Variants in FGF14 observed in about 807,000 individuals in gnomAD.
The protein encoded by FGF14 is fibroblast growth factor 14, also known as fibroblast growth factor homologous factor 4.
In FGF14, 5 loss-of-function variants were observed where a neutral mutation model predicts 25.5. That is an observed-to-expected ratio of 0.20 (90% confidence interval 0.10 to 0.41). The LOEUF is 0.41. Ranked by LOEUF, FGF14 falls within the 10% of genes least tolerant of loss-of-function variation. The pLI is 1.00. For missense variants in FGF14, 222 were observed against 320.1 expected, an observed-to-expected ratio of 0.69 and a Z score of 2.34; for synonymous variants, 138 against 118.3, an observed-to-expected ratio of 1.17 and a Z score of -1.08.
chr13:102,266,210 T>G (rs139391101), intron 1 of FGF14, among the ~76,000 whole-genome samples: 3 of 152,170 alleles, frequency 2.0e-5, no homozygotes, highest in Admixed American at 6.6e-5. Context: ...CCCAGAACAG[T>G]AGAAGAGGCT....
intron 3 of FGF14, among the ~76,000 whole-genome samples, chr13:101,865,619 A>G (rs2044661534): frequency 6.6e-6 from 1 of 152,152 alleles, no homozygotes; most frequent in Non-Finnish European, 1.5e-5. Context: ...AGTACCTTTT[A>G]TCTGTCTCCA....
At chr13:101,947,193 C>T (rs1253048478) in intron 1 of FGF14, among the ~76,000 whole-genome samples, 2 of 152,056 alleles carry the variant, frequency 1.3e-5, no homozygotes, top group Admixed American at 1.3e-4. Flanking sequence ...CAGATGTTGG[C>T]GAGGCTGCAG....
At chr13:102,214,098 T>C (rs2050268940) in intron 1 of FGF14, among the ~76,000 whole-genome samples, 1 of 152,236 alleles carries the variant, frequency 6.6e-6, no homozygotes, top group Admixed American at 6.5e-5. Context: ...TATTTGGCCT[T>C]AGCCTAACCT....
upstream of FGF14, among the ~76,000 whole-genome samples, chr13:101,920,038 C>A (rs1276361290): frequency 6.6e-6 from 1 of 152,130 alleles, no homozygotes; most frequent in Non-Finnish European, 1.5e-5. Flanking sequence ...TTAGGTTAAT[C>A]CCTGCGTTTT....
Position 102,012,981 on chromosome 13 carries a change from G to C in FGF14, c.209-137685C>G, listed in dbSNP as rs1220912670. On this transcript the variant is annotated intron_variant, in intron 1 of 4. Transcript: ENST00000376131. ...TGGGGTGATGAATTACCCATTCAAA[G>C]CATCTCCTCACCAATTTTAGTAAAA... is the stretch of plus-strand genomic sequence containing the variant. Among the ~76,000 whole-genome samples, 4 of 152,094 alleles carry C rather than the reference G, an allele frequency of 2.6e-5. No homozygotes were observed. The East Asian group carries it at 7.7e-4, about 29-fold the overall frequency.
intron 1 of FGF14, among the ~76,000 whole-genome samples, chr13:102,033,525 G>T (rs1036247925): frequency 6.6e-6 from 1 of 151,862 alleles, no homozygotes; most frequent in African/African-American, 2.4e-5. Flanking sequence ...ACTCATGCAC[G>T]CATACTCAAT....
Position 101,846,778 on chromosome 13 carries a change from A to C in FGF14, c.408+21947T>G, listed in dbSNP as rs539881717. On this transcript the variant is annotated intron_variant, in intron 3 of 4. Transcript: ENST00000376143. Reference sequence around the variant, plus strand: ...AAGGCCTCCAGGTAAGTGTAAGTTCATGGCTTTAAAAGTGTATGCGAAATT... The same window carrying C: ...AAGGCCTCCAGGTAAGTGTAAGTTCCTGGCTTTAAAAGTGTATGCGAAATT... Among the ~76,000 whole-genome samples the C allele has an allele frequency of 2.1e-4, 32 of 152,168 alleles. No homozygotes were observed. The South Asian group carries it at 6.4e-3, about 31-fold the overall frequency.
At chr13:102,203,930 A>G (rs554866961) in intron 1 of FGF14, among the ~76,000 whole-genome samples, 1 of 152,348 alleles carries the variant, frequency 6.6e-6, no homozygotes, top group East Asian at 1.9e-4. Context: ...ACTTAATTAG[A>G]TAAGTGGCTT....
chr13:101,878,452 A>G (rs75394504), intron 1 of FGF14, among the ~76,000 whole-genome samples: 4,749 of 152,284 alleles, frequency 0.031, 242 homozygotes, highest in African/African-American at 0.11. Context: ...GTAGCAATTT[A>G]TGTGTTCCTG....
chr13:101,921,048 C>G (rs994543245), upstream of FGF14, among the ~76,000 whole-genome samples: 3 of 140,052 alleles, frequency 2.1e-5, no homozygotes, highest in Non-Finnish European at 4.5e-5. Flanking sequence ...ATTGCCCTAT[C>G]CTCACACTCC....
At position 102,295,268 on chromosome 13, in the gene FGF14, G is replaced by A. The variant is rs528012635; in HGVS notation, c.208+106203C>T. On this transcript the variant is annotated intron_variant, in intron 1 of 4. Coordinates refer to the FGF14 transcript ENST00000376131. ...TCGGGGCATGGAGATGTTCTCAACC[G>A]TATCTACAAATTCACTTTCGTCTCT... Among the ~76,000 whole-genome samples, 56 of 152,134 alleles carry A rather than the reference G, an allele frequency of 3.7e-4. 1 individual carries two copies. In the South Asian group the frequency reaches 5.8e-3, roughly 16 times the overall value.
At chr13:102,177,997 T>C (rs1050412916) in intron 1 of FGF14, among the ~76,000 whole-genome samples, 7 of 148,824 alleles carry the variant, frequency 4.7e-5, no homozygotes, top group Admixed American at 2.0e-4. Flanking sequence ...AAACCTCCCC[T>C]GACCACAGCA....
chr13:102,319,094 G>A (rs1446887123), intron 1 of FGF14, among the ~76,000 whole-genome samples: 1 of 152,162 alleles, frequency 6.6e-6, no homozygotes, highest in Non-Finnish European at 1.5e-5. Flanking sequence ...ACAGCAGAAG[G>A]CTCTGAATTT....
chr13:102,247,803 G>A (rs1175800642), intron 1 of FGF14, among the ~76,000 whole-genome samples: 1 of 151,896 alleles, frequency 6.6e-6, no homozygotes, highest in Non-Finnish European at 1.5e-5. Flanking sequence ...TGTTAATTGC[G>A]GCACTATTCA....
chr13:102,279,868 T>C (rs1373050891), intron 1 of FGF14, among the ~76,000 whole-genome samples: 1 of 152,194 alleles, frequency 6.6e-6, no homozygotes, highest in African/African-American at 2.4e-5. Context: ...GGCCATCAGT[T>C]CTCCCTGCTG....
intron 1 of FGF14, among the ~76,000 whole-genome samples, chr13:102,046,251 A>T (rs954025301): frequency 2.6e-5 from 4 of 152,170 alleles, no homozygotes; most frequent in Admixed American, 6.5e-5. Flanking sequence ...AAAACCATAT[A>T]TCAATATCAT....
chr13:102,330,563 C>G (rs2056602905), intron 1 of FGF14, among the ~76,000 whole-genome samples: 1 of 152,188 alleles, frequency 6.6e-6, no homozygotes, highest in African/African-American at 2.4e-5. Flanking sequence ...TGCCTATATT[C>G]TTGCTCCTTC....
intron 1 of FGF14, among the ~76,000 whole-genome samples, chr13:102,036,730 A>G (rs908812616): frequency 1.3e-5 from 2 of 152,036 alleles, no homozygotes; most frequent in Non-Finnish European, 2.9e-5. Context: ...AAGAACAACA[A>G]CAACAACAAC....
chr13:102,149,745 C>A (rs1333985467), intron 1 of FGF14, among the ~76,000 whole-genome samples: 1 of 152,196 alleles, frequency 6.6e-6, no homozygotes. Context: ...GGACATCAGG[C>A]AGCAAGAGCA....
Sources: gnomAD v4.1 joint callset for allele counts (sites outside exome capture counted in the v4.1 genomes callset) on GRCh38, gnomAD v4.1.1 for gene constraint, MANE v1.5 for transcripts, NCBI Gene and HGNC (gene_info 2026-07-23, HGNC 2026-07-21) for gene names.